SNTG1: variants seen among roughly 807,000 people sequenced by gnomAD.
SNTG1 encodes the protein gamma-1-syntrophin.
SNTG1 carries 39 observed loss-of-function variants against 74.7 expected under a neutral mutation model. The observed-to-expected ratio is 0.52, with a 90% CI of 0.40 to 0.68. SNTG1 has a LOEUF of 0.68. Among genes scored for constraint, SNTG1 ranks in the 30% least tolerant of loss-of-function variants. The pLI is 0.00. For synonymous variants in SNTG1, 254 were observed against 217.1 expected (o/e 1.17, Z -1.49); for missense variants, 685 against 609.5 (o/e 1.12, Z -1.30).
chr8:50,499,508 A>G (rs753868607), intron 8 of SNTG1, among the ~76,000 whole-genome samples: 1 of 151,526 alleles, frequency 6.6e-6, no homozygotes, highest in Non-Finnish European at 1.5e-5. Context: ...TTCTTTCCAA[A>G]TATAGATACC....
At chr8:50,037,484 A>G (rs1450932583) in intron 1 of SNTG1, among the ~76,000 whole-genome samples, 1 of 152,210 alleles carries the variant, frequency 6.6e-6, no homozygotes, top group Admixed American at 6.5e-5. Context: ...TGAAATTTAT[A>G]GTAAGGTTGC....
At chr8:50,617,035 C>T (rs994791451) in intron 13 of SNTG1, among the ~76,000 whole-genome samples, 1 of 152,148 alleles carries the variant, frequency 6.6e-6, no homozygotes, top group African/African-American at 2.4e-5. Context: ...TGTTTCTCAG[C>T]AAATGTCACC....
intron 1 of SNTG1, among the ~76,000 whole-genome samples, chr8:50,110,573 G>A (rs951464085): frequency 6.6e-6 from 1 of 152,162 alleles, no homozygotes; most frequent in African/African-American, 2.4e-5. Flanking sequence ...GATGCACAAA[G>A]CCTGGAAGAG....
intron 1 of SNTG1, among the ~76,000 whole-genome samples, chr8:50,103,521 C>A (rs1290341141): frequency 6.6e-6 from 1 of 152,158 alleles, no homozygotes; most frequent in African/African-American, 2.4e-5. Flanking sequence ...GACAATTTGA[C>A]TTCCTCTTTT....
intron 15 of SNTG1, among the ~76,000 whole-genome samples, chr8:50,679,859 A>G (rs1044871268): frequency 2.0e-5 from 3 of 152,168 alleles, no homozygotes; most frequent in Middle Eastern, 3.2e-3. Context: ...GTATGAACTC[A>G]ATTACAACTA....
chr8:50,052,448 G>C (rs1819657317), intron 1 of SNTG1, among the ~76,000 whole-genome samples: 1 of 152,018 alleles, frequency 6.6e-6, no homozygotes, highest in African/African-American at 2.4e-5. Context: ...CACTTAAATG[G>C]AAGAGCTAAA....
intron 2 of SNTG1, among the ~76,000 whole-genome samples, chr8:50,289,216 A>G (rs1003588754): frequency 2.6e-5 from 4 of 152,182 alleles, no homozygotes; most frequent in African/African-American, 9.6e-5. Flanking sequence ...CATAAAATTC[A>G]CTAATCTGCT....
At chr8:50,260,450 G>T (rs1028030435) in intron 2 of SNTG1, among the ~76,000 whole-genome samples, 2 of 151,876 alleles carry the variant, frequency 1.3e-5, no homozygotes, top group African/African-American at 4.8e-5. Flanking sequence ...ACTTACAAAT[G>T]CATCACTAAA....
chr8:49,919,305 A>C (rs1293152148), intron 1 of SNTG1, among the ~76,000 whole-genome samples: 1 of 152,114 alleles, frequency 6.6e-6, no homozygotes. Flanking sequence ...ACAAAACCAC[A>C]CTGATTGAGG....
At chr8:50,045,553 C>A (rs757975140) in intron 1 of SNTG1, among the ~76,000 whole-genome samples, 1 of 152,064 alleles carries the variant, frequency 6.6e-6, no homozygotes, top group African/African-American at 2.4e-5. Context: ...TTAGGGGGGA[C>A]AACATCTAAA....
chr8:50,787,408 T>C (rs192858829), intron 18 of SNTG1, among the ~76,000 whole-genome samples: 1 of 152,022 alleles, frequency 6.6e-6, no homozygotes, highest in East Asian at 1.9e-4. Flanking sequence ...GAATGTAAAA[T>C]GTGGTAACTC....
chr8:50,245,631 C>T (rs367548202), intron 2 of SNTG1, among the ~76,000 whole-genome samples: 12 of 152,090 alleles, frequency 7.9e-5, no homozygotes, highest in African/African-American at 1.9e-4. Context: ...TGCCATGAGC[C>T]GAGATTGCAC....
intron 1 of SNTG1, among the ~76,000 whole-genome samples, chr8:50,031,832 A>T (rs557238289): frequency 3.7e-4 from 57 of 152,142 alleles, no homozygotes; most frequent in Non-Finnish European, 7.7e-4. Context: ...CTGGCTGTAT[A>T]CAATGAATAG....
At chr8:50,257,933 G>T (rs1351456833) in intron 2 of SNTG1, among the ~76,000 whole-genome samples, 1 of 152,236 alleles carries the variant, frequency 6.6e-6, no homozygotes, top group African/African-American at 2.4e-5. Context: ...AATAGAGGCA[G>T]AGCAGCCAGA....
intron 2 of SNTG1, among the ~76,000 whole-genome samples, chr8:50,337,355 T>A (rs2091175134): frequency 1.3e-5 from 2 of 152,310 alleles, no homozygotes; most frequent in South Asian, 4.1e-4. Flanking sequence ...CAATGTGGAC[T>A]AGTTGGAAGT....
Position 50,118,483 on chromosome 8 carries a change from A to T in SNTG1, c.-102-54078A>T, listed in dbSNP as rs994207572. ...TTTGAGTGTCCCTATGAGGTAGATA[A>T]TATCATCAGCTCTACTTTACATATA... On this transcript the variant is annotated intron_variant, in intron 1 of 18. Coordinates refer to ENST00000642720, the MANE Select transcript of SNTG1 (RefSeq NM_018967.5). 3.3e-5 allele frequency among the ~76,000 whole-genome samples: 5 copies of T among 152,320 alleles called. No homozygotes were observed. The East Asian group carries it at 9.7e-4, about 29-fold the overall frequency.
chr8:50,531,306 T>G (rs1439747755), intron 10 of SNTG1, among the ~76,000 whole-genome samples: 1 of 151,822 alleles, frequency 6.6e-6, no homozygotes, highest in Admixed American at 6.6e-5. Context: ...GCTGGATATA[T>G]TTCATGTGGC....
intron 13 of SNTG1, among the ~76,000 whole-genome samples, chr8:50,596,524 A>G (rs576114114): frequency 6.6e-6 from 1 of 152,202 alleles, no homozygotes; most frequent in Admixed American, 6.5e-5. Flanking sequence ...TAGTTCCAGC[A>G]TATGTGTTGA....
intron 17 of SNTG1, among the ~76,000 whole-genome samples, chr8:50,715,290 G>A (rs1308375868): frequency 6.6e-6 from 1 of 152,182 alleles, no homozygotes; most frequent in Admixed American, 6.5e-5. Flanking sequence ...ACATGGGTAA[G>A]AGTAAAAGAC....
Sources: allele counts gnomAD v4.1 joint callset (sites outside exome capture counted in the v4.1 genomes callset), GRCh38; gene constraint gnomAD v4.1.1; transcripts MANE v1.5; gene names NCBI Gene and HGNC (gene_info 2026-07-23, HGNC 2026-07-21).